The following MORN3 variants were observed in gnomAD, a reference collection of about 807,000 sequenced individuals.
MORN3 encodes the protein MORN repeat containing 3, also known as MORN repeat-containing protein 3.
A neutral mutation model predicts 34.7 loss-of-function variants in MORN3; 38 were observed. The observed-to-expected ratio is 1.10, with a 90% CI of 0.85 to 1.44. The LOEUF (loss-of-function observed/expected upper bound fraction) is 1.44. Ranked by LOEUF, MORN3 falls within the 40% of genes most tolerant of loss-of-function variation. The pLI is 0.00. For synonymous variants in MORN3, 109 were observed against 115.3 expected (o/e 0.95, Z 0.35); for missense variants, 311 against 321.7 (o/e 0.97, Z 0.25).
At chr12:121,666,368 G>T (rs1462060381) in intron 1 of MORN3, among the ~76,000 whole-genome samples, 2 of 152,046 alleles carry the variant, frequency 1.3e-5, no homozygotes, top group Non-Finnish European at 2.9e-5. Flanking sequence ...GCTGGGCGTG[G>T]TGGTGTGTGC....
chr12:121,664,002 T>G (rs1360255381), intron 1 of MORN3, among the ~76,000 whole-genome samples: 1 of 152,146 alleles, frequency 6.6e-6, no homozygotes, highest in African/African-American at 2.4e-5. Flanking sequence ...ATCAGTGTAT[T>G]CTACCCACCA....
intron 1 of MORN3, among the ~76,000 whole-genome samples, chr12:121,667,254 G>A (rs535842601): frequency 1.0e-4 from 15 of 148,794 alleles, no homozygotes; most frequent in South Asian, 6.5e-4. Context: ...AAGCGACCGC[G>A]CCAGGACTGT....
At chr12:121,659,381 A>C (rs1399066319) in intron 1 of MORN3, 33 bp from the exon 2 acceptor site, 1 of 1,589,672 alleles carries the variant, frequency 6.3e-7, no homozygotes, top group Non-Finnish European at 8.6e-7. Context: ...TGCTGCAGAC[A>C]TGGCCGCCGG....
chr12:121,654,324 TCGTAGATGTCGC>T lies in MORN3; in HGVS notation c.401_412del (p.Gly134_Tyr137del). 1 of 1,602,494 alleles carries T rather than the reference TCGTAGATGTCGC, an allele frequency of 6.2e-7. No homozygotes were observed. Among genetic ancestry groups the T allele is most frequent in the Non-Finnish European group, 8.5e-7 (1 of 1,175,332 alleles). ...GGGCTTGTCGTTCTCCCACTGTCCC[TCGTAGATGTCGC>T]CGTTGCTGTAATACATGCGGCCCCA... On this transcript the variant is annotated inframe_deletion, in exon 3 of 6. Transcript: ENST00000355329.
chr12:121,661,277 T>C (rs1893573056), intron 1 of MORN3, among the ~76,000 whole-genome samples: 1 of 152,068 alleles, frequency 6.6e-6, no homozygotes, highest in Non-Finnish European at 1.5e-5. Context: ...TTTTTAGAGA[T>C]GGGGTCTTGC....
At chr12:121,654,239 C>T (rs1555325437) in intron 3 of MORN3, 35 bp downstream of exon 3, 6 of 987,558 alleles carry the variant, frequency 6.1e-6, no homozygotes, top group East Asian at 7.1e-5. Context: ...GGGGCGTGGT[C>T]GGGTGGGCGG....
chr12:121,662,941 C>T (rs1014249607), intron 1 of MORN3, among the ~76,000 whole-genome samples: 2 of 151,588 alleles, frequency 1.3e-5, no homozygotes, highest in Admixed American at 1.3e-4. Context: ...GATCCAAGAT[C>T]GCACCACCGC....
intron 2 of MORN3, among the ~76,000 whole-genome samples, chr12:121,658,726 T>C (rs1404547815): frequency 6.6e-6 from 1 of 151,920 alleles, no homozygotes; most frequent in Non-Finnish European, 1.5e-5. Context: ...CCAGCTTGGG[T>C]GTTTCCGGGC....
upstream of MORN3, among the ~76,000 whole-genome samples, chr12:121,669,945 C>A (rs1218467671): frequency 6.6e-6 from 1 of 151,482 alleles, no homozygotes; most frequent in African/African-American, 2.4e-5. Flanking sequence ...ACCATCTCGG[C>A]TTACTACAAC....
intron 1 of MORN3, among the ~76,000 whole-genome samples, chr12:121,666,051 T>C (rs1269923687): frequency 1.3e-5 from 2 of 152,070 alleles, no homozygotes; most frequent in Non-Finnish European, 2.9e-5. Context: ...GGGAAAAGGC[T>C]GGGCATGATG....
intron 1 of MORN3, 83 bp from the exon 2 acceptor site, chr12:121,659,431 C>G: frequency 2.7e-6 from 4 of 1,454,772 alleles, no homozygotes; most frequent in Non-Finnish European, 3.8e-6. Flanking sequence ...TCAGGGGCCC[C>G]CAACTAGACG....
At chr12:121,660,504 C>T (rs1893550282) in intron 1 of MORN3, among the ~76,000 whole-genome samples, 1 of 150,628 alleles carries the variant, frequency 6.6e-6, no homozygotes, top group Non-Finnish European at 1.5e-5. Flanking sequence ...GTGCCCGCCA[C>T]CATGCCCAGC....
At chr12:121,653,357 TTGGGAGGCCAAGA>T in intron 3 of MORN3, 98 bp from the exon 4 acceptor site, 3 of 1,269,014 alleles carry the variant, frequency 2.4e-6, no homozygotes, top group Non-Finnish European at 3.2e-6. Flanking sequence ...TCCTAACACA[TTGGGAGGCCAAGA>T]TGGGAGGCTC....
At chr12:121,668,361 G>A (rs1893838925) in intron 1 of MORN3, among the ~76,000 whole-genome samples, 1 of 151,890 alleles carries the variant, frequency 6.6e-6, no homozygotes, top group African/African-American at 2.4e-5. Flanking sequence ...TGACCAACAC[G>A]GAGAAACCCC....
At chr12:121,661,136 T>A (rs754882362) in intron 1 of MORN3, among the ~76,000 whole-genome samples, 1 of 152,022 alleles carries the variant, frequency 6.6e-6, no homozygotes, top group Non-Finnish European at 1.5e-5. Flanking sequence ...TTTAAAAAAA[T>A]TTTATAGAGG....
At chr12:121,655,234 G>A (rs1893382977) in intron 2 of MORN3, among the ~76,000 whole-genome samples, 1 of 151,862 alleles carries the variant, frequency 6.6e-6, no homozygotes, top group Non-Finnish European at 1.5e-5. Context: ...TGTGATCCCA[G>A]TTACTGGGGA....
At chr12:121,672,074 C>CATA (rs2068899299), upstream of MORN3, among the ~76,000 whole-genome samples, 1 of 152,136 alleles carries the variant, frequency 6.6e-6, no homozygotes, top group Non-Finnish European at 1.5e-5. Flanking sequence ...GTTTAGGGAA[C>CATA]ATAGGTTCTA....
rs781841654 is a variant in MORN3, at chr12:121,653,229, T to G, written c.494A>C (p.Glu165Ala). The G allele has an allele frequency of 1.2e-6, 2 of 1,613,986 alleles. No individual in the cohort carries two copies. The highest frequency in any genetic ancestry group is 8.5e-7 in the Non-Finnish European group (1 of 1,180,022). Residue 165 changes from glutamate to alanine, a missense_variant, in exon 4 of 6, where the codon GAG becomes GCG. Glu to Ala is a moderately radical substitution (Grantham distance 107). Coordinates refer to ENST00000355329, the MANE Select transcript of MORN3 (RefSeq NM_173855.5). ...KNGNRYEGCW[E>A]RGMKNGAGRF... is the part of the protein sequence containing the mutation. ...CCCCGCCCCGTTCTTCATGCCTCTCTCCCAGCAGCCCTCGTAGCGGTTCCC... is the reference window on the plus strand; with the variant it reads ...CCCCGCCCCGTTCTTCATGCCTCTCGCCCAGCAGCCCTCGTAGCGGTTCCC...
At chr12:121,657,697 GTC>G (rs1405339218) in intron 2 of MORN3, among the ~76,000 whole-genome samples, 9 of 151,942 alleles carry the variant, frequency 5.9e-5, no homozygotes, top group Non-Finnish European at 1.2e-4. Flanking sequence ...GAGAAACTCT[GTC>G]TCTACTAAAA....
Sources: allele counts gnomAD v4.1 joint callset (sites outside exome capture counted in the v4.1 genomes callset), GRCh38; gene constraint gnomAD v4.1.1; transcripts MANE v1.5; gene names NCBI Gene and HGNC (gene_info 2026-07-23, HGNC 2026-07-21).